The following ABI2 variants were observed in gnomAD, a reference collection of about 807,000 sequenced individuals.
ABI2 encodes abl interactor 2, also known as abelson interactor 2.
ABI2 carries 25 observed loss-of-function variants against 59.2 expected under a neutral mutation model. That is an observed-to-expected ratio of 0.42 (90% CI 0.31 to 0.59). The LOEUF is 0.59. ABI2 is among the 20% of genes least tolerant of loss of function. The probability of loss-of-function intolerance (pLI) is 0.14; values close to 1 mark genes in which losing one functional copy is unlikely to be tolerated. For synonymous variants in ABI2, 213 were observed against 235.5 expected (o/e 0.90, Z 0.87); for missense variants, 545 against 681.8 (o/e 0.80, Z 2.23).
At chr2:203,333,911 T>G (rs1038055306) in intron 1 of ABI2, among the ~76,000 whole-genome samples, 2 of 151,888 alleles carry the variant, frequency 1.3e-5, no homozygotes, top group African/African-American at 4.8e-5. Flanking sequence ...ATTAATAAAC[T>G]GTTCATTTAT....
At chr2:203,385,426 C>T (rs540048888) in intron 4 of ABI2, among the ~76,000 whole-genome samples, 41 of 152,146 alleles carry the variant, frequency 2.7e-4, no homozygotes, top group Non-Finnish European at 4.9e-4. Flanking sequence ...CCACCGTGCC[C>T]GGCCAGATTC....
rs536346641 is a variant in ABI2, at chr2:203,429,264, G to A, written c.*1912G>A. On this transcript the variant is annotated 3_prime_UTR_variant, in exon 12 of 12. Coordinates refer to ENST00000261018, the MANE Select transcript of ABI2 (RefSeq NM_001375670.1). ...TTCCTTGTTTTCCTGCAGTGTAATG[G>A]CCCTGAATGTCCTCTGAGCCTTCAG... 2.6e-5 allele frequency: 4 copies of A among 152,248 alleles called. No individual in the cohort carries two copies. In the South Asian group the frequency reaches 8.3e-4, roughly 32 times the overall value. The allele number at this position is 152,248 out of a possible 1,614,324, so 9.4% of individuals were successfully genotyped here.
Position 203,414,063 on chromosome 2 carries a change from G to C in ABI2, c.1279+2692G>C, listed in dbSNP as rs535751793. 6.7e-5 allele frequency among the ~76,000 whole-genome samples: 10 copies of C among 150,334 alleles called. No individual in the cohort carries two copies. In the South Asian group the frequency reaches 2.1e-3, roughly 32 times the overall value. On this transcript the variant is annotated intron_variant, in intron 10 of 11. Transcript: ENST00000261018. ...GGCTACTGAATTTGGACAGTTCTTT[G>C]AAAGTTTCTTGCTTTCTTACCTTTG...
intron 1 of ABI2, among the ~76,000 whole-genome samples, chr2:203,340,204 G>A (rs1338098904): frequency 6.6e-6 from 1 of 152,198 alleles, no homozygotes; most frequent in Non-Finnish European, 1.5e-5. Flanking sequence ...AATAGAATCT[G>A]CTTCTATTAT....
chr2:203,424,608 A>G (rs1166401756), intron 11 of ABI2, among the ~76,000 whole-genome samples: 2 of 152,064 alleles, frequency 1.3e-5, no homozygotes, highest in African/African-American at 4.8e-5. Flanking sequence ...TATGTTTCCC[A>G]GACCAGTCTT....
intron 1 of ABI2, among the ~76,000 whole-genome samples, chr2:203,329,821 C>T (rs2071723130): frequency 6.6e-6 from 1 of 151,906 alleles, no homozygotes; most frequent in Admixed American, 6.6e-5. Context: ...ACTGAAACCT[C>T]GGCCTCCTAG....
chr2:203,338,959 TATAA>T (rs1455621071), intron 1 of ABI2, among the ~76,000 whole-genome samples: 2 of 9,644 alleles, frequency 2.1e-4, no homozygotes, highest in African/African-American at 3.2e-4. Flanking sequence ...TATATATATA[TATAA>T]ATATATATAT....
Position 203,431,783 on chromosome 2 carries a change from A to C in ABI2, c.*4431A>C, listed in dbSNP as rs1049397773. 2 of 152,166 alleles carry C rather than the reference A, an allele frequency of 1.3e-5. No homozygotes were observed. Among genetic ancestry groups the C allele is most frequent in the African/African-American group, 4.8e-5 (2 of 41,458 alleles). The allele number at this position is 152,166 out of a possible 1,614,324, so 9.4% of individuals were successfully genotyped here. A position where few individuals can be genotyped will look rare whatever the true frequency, so the allele number is the denominator to read the frequency against. On this transcript the variant is annotated 3_prime_UTR_variant, in exon 12 of 12. Transcript: ENST00000261018. Reference sequence around the variant, plus strand: ...GAATATCTTAAGGTTTTTTGTAAGAAAAAAGAAAAACCAACAAAAAAAGCT... The same window carrying C: ...GAATATCTTAAGGTTTTTTGTAAGACAAAAGAAAAACCAACAAAAAAAGCT...
intron 1 of ABI2, among the ~76,000 whole-genome samples, chr2:203,338,908 C>CTGTGTGTGTG (rs148766477): frequency 7.8e-5 from 5 of 64,032 alleles, no homozygotes; most frequent in African/African-American, 3.8e-4. Flanking sequence ...GGGTTTATAT[C>CTGTGTGTGTG]TGTGTGTGTG....
chr2:203,423,675 C>G (rs1016385111), intron 11 of ABI2, among the ~76,000 whole-genome samples: 1 of 152,194 alleles, frequency 6.6e-6, no homozygotes, highest in East Asian at 1.9e-4. Context: ...CCCACCTTGG[C>G]CTTCCAAAGT....
At chr2:203,403,414 T>A (rs952002285) in intron 9 of ABI2, 2 of 154,822 alleles carry the variant, frequency 1.3e-5, no homozygotes, top group African/African-American at 4.8e-5. Flanking sequence ...CCAGTAAGCC[T>A]ATGTGTGAAC....
intron 1 of ABI2, among the ~76,000 whole-genome samples, chr2:203,349,330 A>G (rs1219202012): frequency 6.6e-6 from 1 of 152,226 alleles, no homozygotes; most frequent in African/African-American, 2.4e-5. Context: ...CATAACAATC[A>G]GGAAATAATA....
chr2:203,330,821 G>A (rs2072775078), intron 1 of ABI2, among the ~76,000 whole-genome samples: 1 of 152,172 alleles, frequency 6.6e-6, no homozygotes, highest in Non-Finnish European at 1.5e-5. Context: ...TTCCTCTTAA[G>A]TTATAATTGC....
intron 1 of ABI2, among the ~76,000 whole-genome samples, chr2:203,349,663 C>G (rs1451497898): frequency 6.6e-6 from 1 of 151,858 alleles, no homozygotes; most frequent in Non-Finnish European, 1.5e-5. Flanking sequence ...CCTTGGCCTC[C>G]CAAAGTGGTG....
chr2:203,419,760 G>A (rs1269332442), intron 11 of ABI2, among the ~76,000 whole-genome samples: 10 of 151,878 alleles, frequency 6.6e-5, no homozygotes, highest in Admixed American at 5.2e-4. Flanking sequence ...AGGCTGAGGC[G>A]GGCCGAACAC....
intron 1 of ABI2, among the ~76,000 whole-genome samples, chr2:203,340,181 G>A (rs950511041): frequency 2.6e-5 from 4 of 152,188 alleles, no homozygotes; most frequent in African/African-American, 9.7e-5. Context: ...TGAACCCATA[G>A]AATGAAGCAG....
chr2:203,371,679 A>G (rs976437409), intron 2 of ABI2, among the ~76,000 whole-genome samples: 1 of 152,144 alleles, frequency 6.6e-6, no homozygotes, highest in Admixed American at 6.5e-5. Context: ...TTAACATTAA[A>G]TATTTCCCCT....
intron 9 of ABI2, chr2:203,403,256 A>G (rs1049851236): frequency 2.6e-5 from 4 of 152,830 alleles, no homozygotes; most frequent in African/African-American, 4.8e-5. Context: ...CGGTTGTATC[A>G]TGCATGCAGA....
intron 8 of ABI2, among the ~76,000 whole-genome samples, chr2:203,401,951 T>C (rs1381012367): frequency 6.6e-6 from 1 of 152,044 alleles, no homozygotes; most frequent in African/African-American, 2.4e-5. Context: ...ATTTTGGGGG[T>C]GGAGTAGATA....
Sources: gnomAD v4.1 joint callset for allele counts (sites outside exome capture counted in the v4.1 genomes callset) on GRCh38, gnomAD v4.1.1 for gene constraint, MANE v1.5 for transcripts, NCBI Gene and HGNC (gene_info 2026-07-23, HGNC 2026-07-21) for gene names.